The following PARM1 variants were observed in gnomAD, a reference collection of about 807,000 sequenced individuals.
PARM1 encodes the protein prostate androgen-regulated mucin-like protein 1, also known as WSC4, cell wall integrity and stress response component 4 homolog.
PARM1 carries 14 observed loss-of-function variants against 24.6 expected under a neutral mutation model. The observed-to-expected ratio is 0.57, with a 90% CI of 0.38 to 0.89. The LOEUF (loss-of-function observed/expected upper bound fraction) is 0.89. Ranked by LOEUF, PARM1 falls within the 40% of genes least tolerant of loss-of-function variation. The probability of loss-of-function intolerance (pLI) is 0.00; values close to 1 mark genes in which losing one functional copy is unlikely to be tolerated. For missense variants in PARM1, 362 were observed against 380.4 expected (o/e 0.95, Z 0.40); for synonymous variants, 179 against 156.6 (o/e 1.14, Z -1.07).
At chr4:74,943,804 C>T (rs915838511) in intron 1 of PARM1, among the ~76,000 whole-genome samples, 7 of 152,140 alleles carry the variant, frequency 4.6e-5, no homozygotes, top group Non-Finnish European at 8.8e-5. Flanking sequence ...CTAAGGGAAG[C>T]ACTATTGAAA....
intron 1 of PARM1, among the ~76,000 whole-genome samples, chr4:74,948,086 C>T (rs1721442805): frequency 6.6e-6 from 1 of 152,176 alleles, no homozygotes; most frequent in Non-Finnish European, 1.5e-5. Flanking sequence ...CTCTGCCAAC[C>T]AAAAGTCTCT....
At chr4:75,004,452 C>T (rs1386441388) in intron 1 of PARM1, among the ~76,000 whole-genome samples, 1 of 152,136 alleles carries the variant, frequency 6.6e-6, no homozygotes, top group Non-Finnish European at 1.5e-5. Context: ...AGGTAAGGCT[C>T]TGGATTTCTC....
chr4:75,035,757 G>T (rs1054322037), intron 3 of PARM1, among the ~76,000 whole-genome samples: 8 of 152,094 alleles, frequency 5.3e-5, no homozygotes, highest in African/African-American at 1.7e-4. Context: ...GAACAGGAAA[G>T]CCAGGTTTTG....
intron 1 of PARM1, among the ~76,000 whole-genome samples, chr4:74,942,093 G>A (rs907006877): frequency 6.6e-6 from 1 of 152,126 alleles, no homozygotes; most frequent in African/African-American, 2.4e-5. Context: ...CGTTCAACCA[G>A]TCTCTATCAA....
At chr4:74,973,577 A>G (rs1236150651) in intron 1 of PARM1, among the ~76,000 whole-genome samples, 1 of 151,950 alleles carries the variant, frequency 6.6e-6, no homozygotes, top group Non-Finnish European at 1.5e-5. Context: ...TGAGTCCTGG[A>G]AGGCAGTACA....
intron 3 of PARM1, among the ~76,000 whole-genome samples, chr4:75,035,085 T>G (rs1032487881): frequency 6.6e-6 from 1 of 152,152 alleles, no homozygotes; most frequent in African/African-American, 2.4e-5. Context: ...ATGAGATGCT[T>G]GTCTTCTAGC....
intron 1 of PARM1, among the ~76,000 whole-genome samples, chr4:74,948,374 A>C (rs1721446933): frequency 6.6e-6 from 1 of 152,228 alleles, no homozygotes; most frequent in Non-Finnish European, 1.5e-5. Flanking sequence ...AAGCCTCTTC[A>C]AGCTTGTTCA....
At position 75,046,042 on chromosome 4, in the gene PARM1, GC is replaced by G. The variant is rs1723594718; in HGVS notation, c.849-120del. ...GGGTGGGTCTGCTGTCCTAGTGAGAGCGTCACAACTTTCCCTCTCCCTGGCC... is the reference window on the plus strand; with the variant it reads ...GGGTGGGTCTGCTGTCCTAGTGAGAGGTCACAACTTTCCCTCTCCCTGGCC... On this transcript the variant is annotated intron_variant, in intron 3 of 3. Coordinates refer to ENST00000307428, the MANE Select transcript of PARM1 (RefSeq NM_015393.4). The G allele has an allele frequency of 4.8e-5, 31 of 650,176 alleles. 1 individual carries two copies. In the South Asian group the frequency reaches 5.7e-4, roughly 12 times the overall value. The allele number at this position is 650,176 out of a possible 1,614,324, so 40.3% of individuals were successfully genotyped here. A position where few individuals can be genotyped will look rare whatever the true frequency, so the allele number is the denominator to read the frequency against.
At chr4:75,036,280 A>G (rs191076703) in intron 3 of PARM1, among the ~76,000 whole-genome samples, 11 of 152,340 alleles carry the variant, frequency 7.2e-5, no homozygotes, top group African/African-American at 2.6e-4. Context: ...TTTGGCAAGA[A>G]TTCAAGTTTA....
At chr4:74,974,837 C>T (rs893665968) in intron 1 of PARM1, among the ~76,000 whole-genome samples, 2 of 152,066 alleles carry the variant, frequency 1.3e-5, no homozygotes, top group Non-Finnish European at 2.9e-5. Flanking sequence ...TAAGAAGAAA[C>T]ACCAGAGAGC....
chr4:75,026,972 G>A (rs1311915765), intron 2 of PARM1, among the ~76,000 whole-genome samples: 1 of 152,088 alleles, frequency 6.6e-6, no homozygotes, highest in Non-Finnish European at 1.5e-5. Context: ...CATAAATATT[G>A]GGTGTCTGCC....
chr4:74,938,700 G>T (rs1346844688), intron 1 of PARM1, among the ~76,000 whole-genome samples: 1 of 152,098 alleles, frequency 6.6e-6, no homozygotes, highest in East Asian at 1.9e-4. Context: ...TTAAATGATA[G>T]GGTTGATGTA....
Position 74,933,228 on chromosome 4 carries a change from C to A in PARM1, c.-100C>A. 3 of 1,043,798 alleles carry A rather than the reference C, an allele frequency of 2.9e-6. No individual in the cohort carries two copies. The highest frequency in any genetic ancestry group is 4.4e-6 in the Non-Finnish European group (3 of 687,688). 64.7% of individuals were successfully genotyped at this position (1,043,798 alleles called of 1,614,324 possible). A position where few individuals can be genotyped will look rare whatever the true frequency, so the allele number is the denominator to read the frequency against. On this transcript the variant is annotated 5_prime_UTR_variant, in exon 1 of 4. Transcript: ENST00000307428. ...TCGCGCCTCCCGGCTCCCACCGCAGCCCACCCGGCAGAGGAGTCGCTACCA... is the reference window on the plus strand; with the variant it reads ...TCGCGCCTCCCGGCTCCCACCGCAGACCACCCGGCAGAGGAGTCGCTACCA...
At chr4:74,999,655 T>C (rs1287111725) in intron 1 of PARM1, among the ~76,000 whole-genome samples, 1 of 152,170 alleles carries the variant, frequency 6.6e-6, no homozygotes, top group East Asian at 1.9e-4. Flanking sequence ...CAAATAAAAA[T>C]CTAAAAGATA....
At chr4:74,948,275 T>C (rs1721445715) in intron 1 of PARM1, among the ~76,000 whole-genome samples, 1 of 152,196 alleles carries the variant, frequency 6.6e-6, no homozygotes, top group Non-Finnish European at 1.5e-5. Context: ...AGGCTCAAAA[T>C]GTGGACTCCA....
chr4:74,970,466 G>A (rs953860282), intron 1 of PARM1: 2 of 152,232 alleles, frequency 1.3e-5, no homozygotes, highest in African/African-American at 4.8e-5. Flanking sequence ...AGATGTTGTG[G>A]AGAAATCCCA....
At chr4:74,972,364 T>C (rs142442291) in intron 1 of PARM1, among the ~76,000 whole-genome samples, 3 of 152,378 alleles carry the variant, frequency 2.0e-5, no homozygotes, top group Admixed American at 6.5e-5. Flanking sequence ...ATTCACTTAG[T>C]TTTGAAACCG....
chr4:75,005,848 A>C (rs1040218958), intron 1 of PARM1, among the ~76,000 whole-genome samples: 2 of 152,334 alleles, frequency 1.3e-5, no homozygotes, highest in African/African-American at 4.8e-5. Context: ...ACAAGGAGGA[A>C]TTCCAGATTG....
At chr4:74,969,180 A>G (rs1452119388) in intron 1 of PARM1, among the ~76,000 whole-genome samples, 2 of 151,798 alleles carry the variant, frequency 1.3e-5, no homozygotes, top group Non-Finnish European at 2.9e-5. Flanking sequence ...GACATCCCCT[A>G]CTCTTTCTCA....
Sources: allele counts gnomAD v4.1 joint callset (sites outside exome capture counted in the v4.1 genomes callset), GRCh38; gene constraint gnomAD v4.1.1; transcripts MANE v1.5; gene names NCBI Gene and HGNC (gene_info 2026-07-23, HGNC 2026-07-21).